Variants in DOCK1 observed in about 807,000 individuals in gnomAD.
DOCK1 encodes the protein dedicator of cytokinesis 1, also known as dedicator of cytokinesis protein 1.
Under a neutral mutation model 262.7 loss-of-function variants are expected in DOCK1, and 138 were observed. The ratio of observed to expected loss-of-function variants is 0.53; its 90% CI spans 0.46 to 0.61. DOCK1 has a LOEUF of 0.61. DOCK1 is among the 20% of genes least tolerant of loss of function. DOCK1 has a pLI of 0.00. For missense variants in DOCK1, 1,908 were observed against 2,370.7 expected (o/e 0.80, Z 4.05); for synonymous variants, 866 against 867.4 (o/e 1.00, Z 0.03).
At chr10:127,430,880 C>T (rs966286047) in intron 47 of DOCK1, among the ~76,000 whole-genome samples, 1 of 152,242 alleles carries the variant, frequency 6.6e-6, no homozygotes, top group Non-Finnish European at 1.5e-5. Flanking sequence ...CGGGAGACAG[C>T]GACGTAAAAC....
At chr10:127,293,437 G>A (rs150922069) in intron 29 of DOCK1, among the ~76,000 whole-genome samples, 15 of 152,314 alleles carry the variant, frequency 9.8e-5, no homozygotes, top group Non-Finnish European at 2.1e-4. Context: ...ACACTGTGGG[G>A]CCAGCACCGG....
At chr10:127,165,632 G>T (rs2054006863) in intron 27 of DOCK1, among the ~76,000 whole-genome samples, 1 of 152,088 alleles carries the variant, frequency 6.6e-6, no homozygotes, top group South Asian at 2.1e-4. Flanking sequence ...TGTTCACATG[G>T]ATGTGGACAT....
chr10:127,154,740 G>A (rs2052868106), intron 27 of DOCK1, among the ~76,000 whole-genome samples: 1 of 152,158 alleles, frequency 6.6e-6, no homozygotes, highest in Admixed American at 6.5e-5. Context: ...CTTTGTAGGG[G>A]AGGTTGCTAA....
intron 30 of DOCK1, among the ~76,000 whole-genome samples, chr10:127,341,521 C>T (rs1049929251): frequency 6.6e-6 from 1 of 152,136 alleles, no homozygotes; most frequent in African/African-American, 2.4e-5. Flanking sequence ...GAATACTTTG[C>T]AGTATTTTTT....
intron 27 of DOCK1, 102 bp downstream of exon 27, chr10:127,127,866 C>A: frequency 1.1e-6 from 1 of 929,886 alleles, no homozygotes; most frequent in Non-Finnish European, 1.6e-6. Context: ...ATGTAGTGAG[C>A]AGTTGAGATA....
intron 25 of DOCK1, among the ~76,000 whole-genome samples, chr10:127,123,171 A>T (rs2049720806): frequency 1.3e-5 from 2 of 152,130 alleles, no homozygotes; most frequent in Non-Finnish European, 2.9e-5. Flanking sequence ...GACGGCTTCT[A>T]AGCTTATGTA....
intron 1 of DOCK1, among the ~76,000 whole-genome samples, chr10:126,960,838 G>A (rs1354681915): frequency 7.1e-5 from 10 of 141,706 alleles, no homozygotes; most frequent in Admixed American, 2.1e-4. Flanking sequence ...ATATCTATAC[G>A]TATAGATATA....
chr10:127,239,735 C>T (rs1017327943), intron 27 of DOCK1, among the ~76,000 whole-genome samples: 1 of 151,922 alleles, frequency 6.6e-6, no homozygotes, highest in Non-Finnish European at 1.5e-5. Context: ...GATAAGACTT[C>T]GAAAATTCTA....
At chr10:127,243,788 GGA>G (rs755087930) in intron 27 of DOCK1, among the ~76,000 whole-genome samples, 3 of 152,064 alleles carry the variant, frequency 2.0e-5, no homozygotes, top group Admixed American at 6.5e-5. Context: ...GGGCAGGCAG[GGA>G]GAGTTTGTCC....
chr10:127,265,151 T>G (rs2060309155), intron 29 of DOCK1, among the ~76,000 whole-genome samples: 1 of 152,242 alleles, frequency 6.6e-6, no homozygotes, highest in African/African-American at 2.4e-5. Context: ...TGGACTTGTC[T>G]GAAAGACTAG....
chr10:127,122,872 A>C (rs559786303), intron 25 of DOCK1, among the ~76,000 whole-genome samples: 1 of 152,222 alleles, frequency 6.6e-6, no homozygotes, highest in South Asian at 2.1e-4. Flanking sequence ...CTTTCTTCTC[A>C]CCAGAGTAAT....
At chr10:127,400,490 A>C (rs1052301569) in intron 38 of DOCK1, among the ~76,000 whole-genome samples, 3 of 152,226 alleles carry the variant, frequency 2.0e-5, no homozygotes, top group African/African-American at 7.2e-5. Context: ...AAGTGCTGCT[A>C]TGTGGCCATC....
chr10:127,205,986 A>T (rs189949118), intron 27 of DOCK1, among the ~76,000 whole-genome samples: 2 of 152,180 alleles, frequency 1.3e-5, no homozygotes, highest in Non-Finnish European at 2.9e-5. Flanking sequence ...AGTAAACCTT[A>T]CCAAATAAAT....
At chr10:127,375,486 G>T (rs549575813) in intron 35 of DOCK1, among the ~76,000 whole-genome samples, 16 of 152,342 alleles carry the variant, frequency 1.1e-4, no homozygotes, top group East Asian at 1.9e-4. Context: ...GTGTGGACTT[G>T]TGGGTGCTTT....
intron 38 of DOCK1, among the ~76,000 whole-genome samples, chr10:127,395,126 A>G (rs4750855): frequency 0.092 from 13,951 of 152,272 alleles, 706 homozygotes; most frequent in African/African-American, 0.13. Context: ...AAGTAGAGCC[A>G]TTCTGGGAGA....
At chr10:127,385,526 A>T (rs1370474944) in intron 38 of DOCK1, among the ~76,000 whole-genome samples, 3 of 152,076 alleles carry the variant, frequency 2.0e-5, no homozygotes. Context: ...TTCCTAACTC[A>T]TTTCAGAACC....
chr10:127,230,292 T>C (rs2058794106), intron 27 of DOCK1, among the ~76,000 whole-genome samples: 4 of 152,200 alleles, frequency 2.6e-5, no homozygotes, highest in Admixed American at 2.6e-4. Flanking sequence ...TGTCTATTTT[T>C]AGCCTTATTT....
At chr10:127,391,257 G>A (rs988531456) in intron 38 of DOCK1, among the ~76,000 whole-genome samples, 19 of 152,168 alleles carry the variant, frequency 1.2e-4, no homozygotes, top group African/African-American at 4.3e-4. Flanking sequence ...CTGTAGTGGT[G>A]AAACAGCTGT....
intron 12 of DOCK1, among the ~76,000 whole-genome samples, chr10:127,013,935 C>T (rs1164273747): frequency 3.9e-5 from 6 of 152,224 alleles, no homozygotes; most frequent in African/African-American, 9.6e-5. Context: ...TGCCCACCGG[C>T]GCTCATTTTA....
Sources: allele counts gnomAD v4.1 joint callset (sites outside exome capture counted in the v4.1 genomes callset), GRCh38; gene constraint gnomAD v4.1.1; transcripts MANE v1.5; gene names NCBI Gene and HGNC (gene_info 2026-07-23, HGNC 2026-07-21).